The following UVSSA variants were observed in gnomAD, a reference collection of about 807,000 sequenced individuals.
The protein encoded by UVSSA is UV stimulated scaffold protein A, also known as UV-stimulated scaffold protein A.
UVSSA carries 72 observed loss-of-function variants against 73.9 expected under a neutral mutation model. The observed-to-expected ratio is 0.97, with a 90% CI of 0.81 to 1.19. The LOEUF (loss-of-function observed/expected upper bound fraction) is 1.19, where lower values mean the gene tolerates loss of function less well. Ranked by LOEUF, UVSSA falls within the 50% of genes most tolerant of loss-of-function variation. The pLI is 0.00. For missense variants in UVSSA, 1,150 were observed against 965.0 expected (o/e 1.19, Z -2.54); for synonymous variants, 454 against 391.3 (o/e 1.16, Z -1.89).
At chr4:1,365,272 G>A (rs1255981784) in intron 7 of UVSSA, among the ~76,000 whole-genome samples, 3 of 152,234 alleles carry the variant, frequency 2.0e-5, no homozygotes, top group East Asian at 3.8e-4. Flanking sequence ...ACAGCTTGGC[G>A]TTCTGTTAGC....
In UVSSA at chr4:1,351,762, A is replaced by T; in HGVS notation, c.477A>T (p.Arg159Ser). 2 of 1,613,654 alleles carry T rather than the reference A, an allele frequency of 1.2e-6. No individual in the cohort carries two copies. The highest frequency in any genetic ancestry group is 1.7e-6 in the Non-Finnish European group (2 of 1,179,846). Reference protein sequence around the residue: ...TNARSLAERKREEEKQKHLDK... With the variant: ...TNARSLAERKSEEEKQKHLDK... ...CTCGGAGTCTGGCAGAAAGGAAGAG[A>T]GAAGAGGAGAAGCAGAAGCACTTGG... Residue 159 changes from arginine to serine, a missense_variant, in exon 4 of 14, where the codon AGA becomes AGT. Coordinates refer to ENST00000389851, the MANE Select transcript of UVSSA (RefSeq NM_020894.4).
In UVSSA at chr4:1,354,827, G is replaced by C. The variant is rs1031081372; in HGVS notation, c.1027G>C (p.Ala343Pro). ...LKLIRNKFLPAVCSWIQRFTR... is the reference protein window; with the variant it reads ...LKLIRNKFLPPVCSWIQRFTR... ...GCTCATCCGGAACAAGTTCCTGCCG[G>C]CTGTGTGCTCGTGGATCCAGGTGAG... Residue 343 changes from alanine to proline, a missense_variant, in exon 6 of 14, where the codon GCT becomes CCT. Ala to Pro is a conservative substitution (Grantham distance 27, BLOSUM62 -1). Coordinates refer to ENST00000389851, the MANE Select transcript of UVSSA (RefSeq NM_020894.4). The C allele has an allele frequency of 1.2e-6, 2 of 1,612,298 alleles. No individual in the cohort carries two copies. Among genetic ancestry groups the C allele is most frequent in the Non-Finnish European group, 8.5e-7 (1 of 1,179,584 alleles).
At chr4:1,372,283 T>A (rs1718146802) in intron 8 of UVSSA, among the ~76,000 whole-genome samples, 1 of 152,214 alleles carries the variant, frequency 6.6e-6, no homozygotes, top group Admixed American at 6.5e-5. Context: ...ATCTGTTTAG[T>A]TAACGGTTGT....
intron 2 of UVSSA, among the ~76,000 whole-genome samples, chr4:1,349,061 C>CG (rs1560416472): frequency 3.6e-5 from 5 of 137,892 alleles, no homozygotes; most frequent in African/African-American, 5.5e-5. Flanking sequence ...GGGCGGTTGG[C>CG]GTTTGTGCCG....
chr4:1,353,376 C>G lies in UVSSA; in HGVS notation c.897C>G (p.Gly299=). ...LEEFVRSHGL[G]SHKYTLDVEL... is the part of the protein sequence containing the mutation. Reference sequence around the variant, plus strand: ...AGTTTGTGCGGAGCCACGGGCTGGGCTCGCACAAGTACACGCTGGATGTGG... The same window carrying G: ...AGTTTGTGCGGAGCCACGGGCTGGGGTCGCACAAGTACACGCTGGATGTGG... Residue 299 remains glycine (G), a synonymous_variant, in exon 5 of 14, where the codon GGC becomes GGG. Transcript: ENST00000389851. The G allele has an allele frequency of 6.2e-7, 1 of 1,600,476 alleles. No homozygotes were observed. The highest frequency in any genetic ancestry group is 8.5e-7 in the Non-Finnish European group (1 of 1,174,036).
At chr4:1,388,286 C>T (rs556944404), downstream of UVSSA, 1 of 152,314 alleles carries the variant, frequency 6.6e-6, no homozygotes, top group South Asian at 2.1e-4. Flanking sequence ...TGGGGCTGAT[C>T]ATTGCTAATA....
At chr4:1,371,930 C>G (rs1433031876) in intron 8 of UVSSA, among the ~76,000 whole-genome samples, 3 of 152,204 alleles carry the variant, frequency 2.0e-5, no homozygotes, top group Non-Finnish European at 4.4e-5. Context: ...CAGCCACTTC[C>G]CAAGAGGGTT....
chr4:1,355,956 G>A (rs1483300351), intron 7 of UVSSA, among the ~76,000 whole-genome samples: 4 of 152,104 alleles, frequency 2.6e-5, no homozygotes, highest in African/African-American at 7.2e-5. Flanking sequence ...TCTGGGCCTC[G>A]GTGCCTGGAG....
At chr4:1,378,660 C>A (rs1050844428) in intron 10 of UVSSA, among the ~76,000 whole-genome samples, 1 of 152,196 alleles carries the variant, frequency 6.6e-6, no homozygotes, top group African/African-American at 2.4e-5. Context: ...TGCGCCGGCT[C>A]CTGAGTGTTC....
At chr4:1,370,267 G>C (rs1209437104) in intron 8 of UVSSA, among the ~76,000 whole-genome samples, 1 of 152,206 alleles carries the variant, frequency 6.6e-6, no homozygotes, top group Non-Finnish European at 1.5e-5. Flanking sequence ...GCGTGTGTGC[G>C]TGTGTGTGCA....
downstream of UVSSA, chr4:1,391,878 C>T (rs1343082527): frequency 1.3e-5 from 2 of 152,188 alleles, no homozygotes; most frequent in Non-Finnish European, 2.9e-5. Context: ...TTTCATCTGT[C>T]CTGCTGGTCT....
At chr4:1,367,855 CCA>C (rs75620426) in intron 8 of UVSSA, among the ~76,000 whole-genome samples, 6,309 of 152,284 alleles carry the variant, frequency 0.041, 264 homozygotes, top group East Asian at 0.2. Context: ...TGTCCCCACC[CCA>C]CACACACTGT....
chr4:1,376,753 C>T (rs1027192797), intron 10 of UVSSA, among the ~76,000 whole-genome samples: 11 of 152,228 alleles, frequency 7.2e-5, no homozygotes, highest in Admixed American at 4.6e-4. Flanking sequence ...GGTACTCCAG[C>T]GCCTGCCACA....
At chr4:1,361,419 TAAA>T (rs1401160265) in intron 7 of UVSSA, among the ~76,000 whole-genome samples, 1 of 152,034 alleles carries the variant, frequency 6.6e-6, no homozygotes, top group African/African-American at 2.4e-5. Flanking sequence ...GATTTTATAG[TAAA>T]GAACCAGTCA....
At chr4:1,380,531 TG>T in intron 11 of UVSSA, 1 of 1,020,720 alleles carries the variant, frequency 9.8e-7, no homozygotes, top group Non-Finnish European at 1.4e-6. Flanking sequence ...GTGCTGGGCC[TG>T]GGATCCTCAA....
At chr4:1,352,411 G>A (rs967782895) in intron 4 of UVSSA, among the ~76,000 whole-genome samples, 5 of 152,228 alleles carry the variant, frequency 3.3e-5, no homozygotes, top group Non-Finnish European at 5.9e-5. Flanking sequence ...AGGCCTCAGG[G>A]CAGCTCACAA....
exon 14 of UVSSA, chr4:1,393,426 G>C (rs1433629686): frequency 6.6e-6 from 1 of 152,156 alleles, no homozygotes; most frequent in Non-Finnish European, 1.5e-5. Flanking sequence ...GTGGTGGTGT[G>C]CACCTGTAAT....
chr4:1,367,538 T>C (rs888723208), intron 8 of UVSSA, among the ~76,000 whole-genome samples: 2 of 152,200 alleles, frequency 1.3e-5, no homozygotes, highest in Non-Finnish European at 2.9e-5. Context: ...TCCTGTTTAC[T>C]GGGGCCTGCT....
At chr4:1,369,038 C>G (rs1042867314) in intron 8 of UVSSA, among the ~76,000 whole-genome samples, 1 of 152,220 alleles carries the variant, frequency 6.6e-6, no homozygotes, top group African/African-American at 2.4e-5. Flanking sequence ...AGCTCCATCA[C>G]AGCCTTGCCT....
Sources: gnomAD v4.1 joint callset for allele counts (sites outside exome capture counted in the v4.1 genomes callset) on GRCh38, gnomAD v4.1.1 for gene constraint, MANE v1.5 for transcripts, NCBI Gene and HGNC (gene_info 2026-07-23, HGNC 2026-07-21) for gene names.